GPC4: variants seen among roughly 807,000 people sequenced by gnomAD.
The protein encoded by GPC4 is glypican 4.
Under a neutral mutation model 35.0 loss-of-function variants are expected in GPC4, and 10 were observed. The observed-to-expected ratio is 0.29, with a 90% CI of 0.18 to 0.48. GPC4 has a LOEUF of 0.48. GPC4 is among the 20% of genes least tolerant of loss of function. The probability of loss-of-function intolerance (pLI) is 0.99; values close to 1 mark genes in which losing one functional copy is unlikely to be tolerated. For missense variants in GPC4, 322 were observed against 451.3 expected (o/e 0.71, Z 2.60); for synonymous variants, 167 against 170.2 (o/e 0.98, Z 0.15).
chrX:133,405,700 T>C (rs892593072), intron 1 of GPC4, among the ~76,000 whole-genome samples: 1 of 111,861 alleles, frequency 8.9e-6, no homozygotes, highest in African/African-American at 3.2e-5. Flanking sequence ...ACCAATACCA[T>C]TTGCTACTTC....
intron 4 of GPC4, among the ~76,000 whole-genome samples, chrX:133,311,003 G>A (rs1487712160): frequency 9.0e-6 from 1 of 111,071 alleles, no homozygotes; most frequent in African/African-American, 3.3e-5. Flanking sequence ...CCAAGAAAAA[G>A]GCATTTTCTC....
chrX:133,327,926 T>A (rs961004090), intron 2 of GPC4, among the ~76,000 whole-genome samples: 1 of 110,755 alleles, frequency 9.0e-6, no homozygotes. Flanking sequence ...CAAATGGGTA[T>A]GCAATTTGAC....
chrX:133,375,764 C>T (rs928801915), intron 1 of GPC4, among the ~76,000 whole-genome samples: 1 of 111,804 alleles, frequency 8.9e-6, no homozygotes, highest in Non-Finnish European at 1.9e-5. Context: ...TGTGGTGCCT[C>T]TAACTTGTGC....
intron 2 of GPC4, among the ~76,000 whole-genome samples, chrX:133,330,120 A>AT (rs1034320054): frequency 8.1e-5 from 9 of 110,906 alleles, no homozygotes; most frequent in South Asian, 7.6e-4. Flanking sequence ...CATTTGATCC[A>AT]TTTTTTTTGG....
chrX:133,407,271 A>G (rs1210423958), intron 1 of GPC4, among the ~76,000 whole-genome samples: 1 of 110,843 alleles, frequency 9.0e-6, no homozygotes, highest in Non-Finnish European at 1.9e-5. Context: ...GAACCTCACC[A>G]AAGGTATTTG....
At position 133,359,375 on chromosome X, in the gene GPC4, A is replaced by T. The variant is rs187082106; in HGVS notation, c.161-20034T>A. Among the ~76,000 whole-genome samples, 5 of 110,685 alleles carry T rather than the reference A, an allele frequency of 4.5e-5. No homozygotes were observed. The East Asian group carries it at 1.1e-3, about 25-fold the overall frequency. ...GGGGGAGGTGGTGGGGACTGGAGAG[A>T]GAAGAGAACCTTCCTTGTGGTTAAA... On this transcript the variant is annotated intron_variant, in intron 1 of 8. Coordinates refer to ENST00000370828, the MANE Select transcript of GPC4 (RefSeq NM_001448.3).
chrX:133,409,307 T>G (rs1603101602), intron 1 of GPC4, among the ~76,000 whole-genome samples: 1 of 79,126 alleles, frequency 1.3e-5, no homozygotes, highest in African/African-American at 4.9e-5. Context: ...TGGGCAACAG[T>G]GAGACCCTGC....
At chrX:133,360,195 G>A (rs2068560798) in intron 1 of GPC4, among the ~76,000 whole-genome samples, 1 of 111,382 alleles carries the variant, frequency 9.0e-6, no homozygotes, top group East Asian at 2.8e-4. Flanking sequence ...GTATTATCAC[G>A]TTATCTACAT....
At chrX:133,317,059 G>C (rs1054419859) in intron 3 of GPC4, among the ~76,000 whole-genome samples, 34 of 111,688 alleles carry the variant, frequency 3.0e-4, no homozygotes, top group Non-Finnish European at 5.6e-4. Flanking sequence ...TCTGGACTGA[G>C]TACTTCCATA....
At chrX:133,359,128 G>A (rs2068554980) in intron 1 of GPC4, among the ~76,000 whole-genome samples, 3 of 111,114 alleles carry the variant, frequency 2.7e-5, no homozygotes, top group African/African-American at 6.6e-5. Context: ...GTGTACTGGT[G>A]ACCACACAGC....
intron 1 of GPC4, among the ~76,000 whole-genome samples, chrX:133,390,463 G>T (rs2068714234): frequency 9.0e-6 from 1 of 111,567 alleles, no homozygotes; most frequent in African/African-American, 3.3e-5. Context: ...TACTGACTTG[G>T]CATAGAGTTT....
chrX:133,407,856 T>C (rs990331396), intron 1 of GPC4, among the ~76,000 whole-genome samples: 15 of 112,402 alleles, frequency 1.3e-4, no homozygotes, highest in South Asian at 3.7e-4. Context: ...CCCCGAGCAG[T>C]TGGTCTTTTT....
Position 133,341,659 on chromosome X carries a change from C to G in GPC4, c.161-2318G>C, listed in dbSNP as rs921099676. Among the ~76,000 whole-genome samples the G allele has an allele frequency of 4.5e-5, 5 of 111,002 alleles. No individual in the cohort carries two copies. The South Asian group carries it at 1.9e-3, about 42-fold the overall frequency. On this transcript the variant is annotated intron_variant, in intron 1 of 8. Coordinates refer to ENST00000370828, the MANE Select transcript of GPC4 (RefSeq NM_001448.3). ...ACAGAAAAGTACCCATCATTTTTCC[C>G]TGCCCCCAGTGTACATGGGTACATG...
intron 1 of GPC4, among the ~76,000 whole-genome samples, chrX:133,389,642 A>G (rs2068710264): frequency 9.0e-6 from 1 of 111,299 alleles, no homozygotes; most frequent in Admixed American, 9.5e-5. Flanking sequence ...TGGTTTCACT[A>G]TATGTAGAGT....
At chrX:133,343,326 G>C (rs1008141867) in intron 1 of GPC4, among the ~76,000 whole-genome samples, 1 of 111,581 alleles carries the variant, frequency 9.0e-6, no homozygotes, top group Non-Finnish European at 1.9e-5. Flanking sequence ...TTGACATACA[G>C]TTTCTTCTTC....
chrX:133,344,871 A>C (rs1304145319), intron 1 of GPC4, among the ~76,000 whole-genome samples: 3 of 112,436 alleles, frequency 2.7e-5, no homozygotes, highest in Non-Finnish European at 5.6e-5. Flanking sequence ...CCAATAAAGC[A>C]ACCAAATGCC....
chrX:133,400,262 C>T (rs2068762736), intron 1 of GPC4, among the ~76,000 whole-genome samples: 1 of 112,076 alleles, frequency 8.9e-6, no homozygotes, highest in African/African-American at 3.2e-5. Flanking sequence ...GAAACACAAA[C>T]CCTGGCCATT....
At chrX:133,324,100 A>G (rs1255777930) in intron 3 of GPC4, 45 bp downstream of exon 3, 1 of 1,138,768 alleles carries the variant, frequency 8.8e-7, no homozygotes, top group Non-Finnish European at 1.2e-6. Flanking sequence ...TTAACATGAA[A>G]GAAAACAAAA....
At chrX:133,405,720 A>G (rs2068784641) in intron 1 of GPC4, among the ~76,000 whole-genome samples, 1 of 112,096 alleles carries the variant, frequency 8.9e-6, no homozygotes, top group African/African-American at 3.2e-5. Flanking sequence ...CTAATCTGCC[A>G]TAGACTGGGA....
Sources: allele counts gnomAD v4.1 joint callset (sites outside exome capture counted in the v4.1 genomes callset), GRCh38; gene constraint gnomAD v4.1.1; transcripts MANE v1.5; gene names NCBI Gene and HGNC (gene_info 2026-07-23, HGNC 2026-07-21).